ABL1: variants seen among roughly 807,000 people sequenced by gnomAD.
ABL1 encodes tyrosine-protein kinase ABL1.
In ABL1, 11 loss-of-function variants were observed where a neutral mutation model predicts 94.7. The ratio of observed to expected loss-of-function variants is 0.12; its 90% CI spans 0.07 to 0.19. The LOEUF (loss-of-function observed/expected upper bound fraction) is 0.19, where lower values mean the gene tolerates loss of function less well. ABL1 is among the 10% of genes least tolerant of loss of function. ABL1 has a pLI of 1.00. For missense variants in ABL1, 1,082 were observed against 1,489.4 expected, an observed-to-expected ratio of 0.73 and a Z score of 4.50; for synonymous variants, 656 against 622.4, an observed-to-expected ratio of 1.05 and a Z score of -0.80.
chr9:130,871,778 T>A (rs185084610), intron 4 of ABL1, among the ~76,000 whole-genome samples: 1 of 152,248 alleles, frequency 6.6e-6, no homozygotes, highest in African/African-American at 2.4e-5. Flanking sequence ...TGTGTCACGT[T>A]TGTGGTGTTT....
chr9:130,859,740 G>T (rs2132966880), intron 3 of ABL1, among the ~76,000 whole-genome samples: 1 of 135,898 alleles, frequency 7.4e-6, no homozygotes, highest in South Asian at 2.4e-4. Flanking sequence ...GAGTACAGTG[G>T]CACAATCTCG....
At chr9:130,857,562 A>G (rs1196271964) in intron 3 of ABL1, among the ~76,000 whole-genome samples, 1 of 151,808 alleles carries the variant, frequency 6.6e-6, no homozygotes, top group African/African-American at 2.4e-5. Flanking sequence ...TGCCAGTACC[A>G]AACTTGTAAT....
In ABL1 at chr9:130,862,785, G is replaced by A. The variant is rs755144370; in HGVS notation, c.572G>A (p.Arg191His). The A allele has an allele frequency of 3.7e-6, 6 of 1,613,958 alleles. No homozygotes were observed. Among genetic ancestry groups the A allele is most frequent in the South Asian group, 1.1e-5 (1 of 91,048 alleles). The change falls in exon 4 of 11, where the codon CGC becomes CAC. Residue 191 changes from arginine to histidine, a missense_variant. Transcript: ENST00000318560. The surrounding 1 kb of genome is among the most constrained non-coding windows in gnomAD (Gnocchi z 5.5). The part of the protein sequence containing the change: ...DGKLYVSSES[R>H]FNTLAELVHH... ...CAGCTCTACGTCTCCTCCGAGAGCC[G>A]CTTCAACACCCTGGCCGAGTTGGTT...
At chr9:130,714,286 C>T (rs889047854) in exon 1 of ABL1, 2 of 1,547,098 alleles carry the variant, frequency 1.3e-6, no homozygotes, top group African/African-American at 2.8e-5. Context: ...AGATCTTGAA[C>T]CCTCTTCTGG....
intron 1 of ABL1, among the ~76,000 whole-genome samples, chr9:130,726,985 G>T (rs10901276): frequency 6.6e-6 from 1 of 152,022 alleles, no homozygotes; most frequent in African/African-American, 2.4e-5. Flanking sequence ...TAGATATCTT[G>T]GTTTCTAATT....
At chr9:130,864,862 C>G (rs73656059) in intron 4 of ABL1, among the ~76,000 whole-genome samples, 5,376 of 152,294 alleles carry the variant, frequency 0.035, 168 homozygotes, top group African/African-American at 0.07. Flanking sequence ...AGCACACTTT[C>G]ACCAGGATTT....
Position 130,868,289 on chromosome 9 carries a change from T to C in ABL1, c.823-3840T>C, listed in dbSNP as rs529858582. Among the ~76,000 whole-genome samples the C allele has an allele frequency of 7.0e-4, 107 of 152,280 alleles. 1 individual carries two copies. The highest frequency in any genetic ancestry group is 2.5e-3 in the African/African-American group (103 of 41,566). ...TCAGTGTATTTAGCTGTGTTGATCC[T>C]GATTCATCTGATGGGTGAAGGAATA... On this transcript the variant is annotated intron_variant, in intron 4 of 10. Coordinates refer to ENST00000318560, the MANE Select transcript of ABL1 (RefSeq NM_005157.6).
intron 3 of ABL1, among the ~76,000 whole-genome samples, chr9:130,858,481 G>A (rs936130992): frequency 2.0e-5 from 3 of 152,020 alleles, no homozygotes; most frequent in African/African-American, 4.8e-5. Context: ...CCCATCAGCC[G>A]TTTGGGCACC....
intron 1 of ABL1, among the ~76,000 whole-genome samples, chr9:130,779,421 AT>A (rs1829727269): frequency 6.6e-6 from 1 of 152,096 alleles, no homozygotes; most frequent in South Asian, 2.1e-4. Context: ...GCCCCCCACC[AT>A]TTTTTTATTT....
chr9:130,817,233 A>C (rs57690556), intron 1 of ABL1, among the ~76,000 whole-genome samples: 5,402 of 152,330 alleles, frequency 0.035, 304 homozygotes, highest in African/African-American at 0.12. Flanking sequence ...CTCTTAGAAG[A>C]AAAATTTATT....
intron 1 of ABL1, among the ~76,000 whole-genome samples, chr9:130,715,621 T>A (rs1831427788): frequency 6.6e-6 from 1 of 152,216 alleles, no homozygotes. Context: ...GGTTCCCAAA[T>A]TCAGGATTTA....
intron 2 of ABL1, 133 bp downstream of exon 2, chr9:130,854,370 C>T (rs1830939772): frequency 9.8e-7 from 1 of 1,020,308 alleles, no homozygotes; most frequent in South Asian, 1.7e-5. Flanking sequence ...AAAACAACAA[C>T]TGCATGTTTC....
intron 3 of ABL1, among the ~76,000 whole-genome samples, chr9:130,859,962 A>T (rs1311878181): frequency 6.6e-6 from 1 of 152,036 alleles, no homozygotes; most frequent in Non-Finnish European, 1.5e-5. Flanking sequence ...TACAGGCGTG[A>T]GCCACTGCTC....
At chr9:130,867,252 A>G (rs964484808) in intron 4 of ABL1, among the ~76,000 whole-genome samples, 2 of 152,220 alleles carry the variant, frequency 1.3e-5, no homozygotes, top group Non-Finnish European at 2.9e-5. Context: ...AGGTGACAGC[A>G]TCCCATAGGC....
At chr9:130,853,952 G>C (rs1403981430) in intron 1 of ABL1, 112 bp from the exon 2 acceptor site, 7 of 1,092,830 alleles carry the variant, frequency 6.4e-6, no homozygotes, top group Non-Finnish European at 9.1e-6. Context: ...AAATGAAATA[G>C]GAATGTGTAA....
At chr9:130,763,347 A>G (rs1430005198) in intron 1 of ABL1, among the ~76,000 whole-genome samples, 1 of 151,916 alleles carries the variant, frequency 6.6e-6, no homozygotes, top group East Asian at 1.9e-4. Context: ...AATTAATTCC[A>G]TTTATTCATT....
At chr9:130,755,129 A>G (rs918478528) in intron 1 of ABL1, among the ~76,000 whole-genome samples, 1 of 152,226 alleles carries the variant, frequency 6.6e-6, no homozygotes, top group African/African-American at 2.4e-5. Context: ...TCTTCAATAA[A>G]TAGTTGTTGA....
intron 1 of ABL1, among the ~76,000 whole-genome samples, chr9:130,728,481 G>A (rs1831620233): frequency 6.7e-6 from 1 of 149,918 alleles, no homozygotes. Flanking sequence ...CACCTCCTGG[G>A]TTCATGCCAT....
Position 130,769,329 on chromosome 9 carries a change from C to CTTTTTTTTTTTTTTTTTTTTTTT in ABL1, c.136+54896_136+54897insTTTTTTTTTTTTTTTTTTTTTTT, listed in dbSNP as rs372838676. Among the ~76,000 whole-genome samples, 23 of 84,318 alleles carry CTTTTTTTTTTTTTTTTTTTTTTT rather than the reference C, an allele frequency of 2.7e-4. 2 individuals are homozygous for CTTTTTTTTTTTTTTTTTTTTTTT. Among genetic ancestry groups the CTTTTTTTTTTTTTTTTTTTTTTT allele is most frequent in the Admixed American group, 4.4e-4 (3 of 6,798 alleles). 55.3% of individuals were successfully genotyped at this position (84,318 alleles called of 152,430 possible). On this transcript the variant is annotated intron_variant, in intron 1 of 10. Coordinates refer to the ABL1 transcript ENST00000372348. ...TGGAGAGCCAAACTATGGCCCTAGT[C>CTTTTTTTTTTTTTTTTTTTTTTT]TTTTTTTTTTTTTTTTTTTTTTGAG... is the stretch of plus-strand genomic sequence containing the variant.
Sources: allele counts gnomAD v4.1 joint callset (sites outside exome capture counted in the v4.1 genomes callset), GRCh38; gene constraint gnomAD v4.1.1; non-coding constraint Gnocchi (gnomAD v3.1); transcripts MANE v1.5; gene names NCBI Gene and HGNC (gene_info 2026-07-23, HGNC 2026-07-21).